Variants in RUFY3 observed in about 807,000 individuals in gnomAD.
The protein encoded by RUFY3 is protein RUFY3.
Under a neutral mutation model 84.0 loss-of-function variants are expected in RUFY3, and 34 were observed. That is an observed-to-expected ratio of 0.40 (90% CI 0.31 to 0.54). RUFY3 has a LOEUF of 0.54. Ranked by LOEUF, RUFY3 falls within the 20% of genes least tolerant of loss-of-function variation. The pLI is 0.39. For missense variants in RUFY3, 507 were observed against 736.8 expected, an observed-to-expected ratio of 0.69 and a Z score of 3.61; for synonymous variants, 242 against 252.9, an observed-to-expected ratio of 0.96 and a Z score of 0.41.
At chr4:70,785,334 CT>C (rs1367437175) in intron 10 of RUFY3, among the ~76,000 whole-genome samples, 2 of 151,590 alleles carry the variant, frequency 1.3e-5, no homozygotes, top group Non-Finnish European at 2.9e-5. Flanking sequence ...CAGTATTAGT[CT>C]TAAGATTTTT....
intron 1 of RUFY3, among the ~76,000 whole-genome samples, chr4:70,743,274 G>C (rs1721611821): frequency 1.3e-5 from 2 of 152,018 alleles, no homozygotes; most frequent in Non-Finnish European, 2.9e-5. Context: ...GTTTCAACAT[G>C]TTGGCCAGGC....
chr4:70,782,519 G>T (rs962343067), intron 8 of RUFY3, among the ~76,000 whole-genome samples: 1 of 151,832 alleles, frequency 6.6e-6, no homozygotes, highest in Non-Finnish European at 1.5e-5. Flanking sequence ...TCCTGACCTC[G>T]TGATCCGCTC....
chr4:70,758,579 T>C (rs1426555823), intron 1 of RUFY3, among the ~76,000 whole-genome samples: 6 of 152,214 alleles, frequency 3.9e-5, no homozygotes, highest in South Asian at 4.1e-4. Flanking sequence ...AAATTTTTGA[T>C]GTGTAATAAT....
upstream of RUFY3, among the ~76,000 whole-genome samples, chr4:70,721,148 C>T (rs1454588721): frequency 4.0e-5 from 6 of 151,858 alleles, no homozygotes; most frequent in South Asian, 8.3e-4. Context: ...CCCGTCTCTA[C>T]TAAAAATACA....
At chr4:70,752,747 T>G (rs975395194) in intron 1 of RUFY3, among the ~76,000 whole-genome samples, 1 of 152,250 alleles carries the variant, frequency 6.6e-6, no homozygotes, top group Non-Finnish European at 1.5e-5. Context: ...GACCTTGCAT[T>G]CTGTGATTAA....
chr4:70,747,216 C>T (rs1162048744), intron 1 of RUFY3, among the ~76,000 whole-genome samples: 2 of 152,178 alleles, frequency 1.3e-5, no homozygotes, highest in Non-Finnish European at 1.5e-5. Flanking sequence ...AGCTTTAGAG[C>T]TTGTGCTGTT....
intron 10 of RUFY3, among the ~76,000 whole-genome samples, chr4:70,785,364 A>G (rs754387670): frequency 1.3e-5 from 2 of 152,164 alleles, no homozygotes; most frequent in Non-Finnish European, 2.9e-5. Context: ...TAAAAAAAAT[A>G]CATATCAATA....
chr4:70,741,777 T>G, intron 1 of RUFY3: 3 of 874,702 alleles, frequency 3.4e-6, no homozygotes, highest in Non-Finnish European at 4.8e-6. Flanking sequence ...AATGTCAGCT[T>G]TAGGTTTTAT....
intron 1 of RUFY3, among the ~76,000 whole-genome samples, chr4:70,707,446 A>G (rs973631256): frequency 5.3e-5 from 8 of 152,174 alleles, no homozygotes; most frequent in African/African-American, 1.9e-4. Flanking sequence ...AGGTTTCACC[A>G]TGTTGGCCAG....
rs1441788132 is a variant in RUFY3 at position 70,800,140 on chromosome 4, G to A, written c.1558-1G>A. 5.0e-6 allele frequency: 8 copies of A among 1,603,656 alleles called. No individual in the cohort carries two copies. In the African/African-American group the frequency reaches 1.1e-4, roughly 22 times the overall value. On this transcript the variant is annotated splice_acceptor_variant, in intron 14 of 17. Transcript: ENST00000381006. LOFTEE classifies it high-confidence loss of function. The stretch of plus-strand genomic sequence containing the variant: ...TAAATTGGGCTGTTTTCTTTTGGCA[G>A]GATGGGAAGCACAAAATGCAAGAGG...
intron 4 of RUFY3, among the ~76,000 whole-genome samples, chr4:70,766,739 C>T (rs1397784026): frequency 6.6e-6 from 1 of 152,116 alleles, no homozygotes; most frequent in Admixed American, 6.5e-5. Context: ...CATTATCTCC[C>T]AAAGTTCATA....
intron 14 of RUFY3, among the ~76,000 whole-genome samples, chr4:70,799,076 C>T (rs1205371690): frequency 2.1e-5 from 3 of 146,078 alleles, no homozygotes; most frequent in Non-Finnish European, 3.0e-5. Flanking sequence ...AACCAGGAGG[C>T]AGAGGCTGCA....
intron 10 of RUFY3, 47 bp from the exon 11 acceptor site, chr4:70,788,759 T>G: frequency 6.2e-7 from 1 of 1,600,058 alleles, no homozygotes; most frequent in Non-Finnish European, 8.5e-7. Context: ...GGTTTGTACT[T>G]AGTTGAAGGA....
At chr4:70,716,292 C>T (rs1452466607) in intron 1 of RUFY3, among the ~76,000 whole-genome samples, 2 of 151,792 alleles carry the variant, frequency 1.3e-5, no homozygotes, top group Non-Finnish European at 2.9e-5. Flanking sequence ...ATTACAGGCA[C>T]GTACCACATT....
Position 70,737,964 on chromosome 4 carries a change from T to A in RUFY3, c.178+15213T>A, listed in dbSNP as rs111402998. Among the ~76,000 whole-genome samples the A allele has an allele frequency of 9.7e-3, 1,381 of 142,108 alleles. 27 individuals carry two copies. The highest frequency in any genetic ancestry group is 0.036 in the African/African-American group (1,336 of 37,506). 93.2% of individuals were successfully genotyped at this position (142,108 alleles called of 152,430 possible). On this transcript the variant is annotated intron_variant, in intron 1 of 17. Transcript: ENST00000381006. ...CTGGGATTACAGACAGGAGCCACCA[T>A]GCCCAGCCTATTAATTCCTTTTTTT... is the stretch of plus-strand genomic sequence containing the variant.
rs773654893 is a variant in RUFY3, at chr4:70,755,061, G to T, written c.179-7458G>T. On this transcript the variant is annotated intron_variant, in intron 1 of 17. Coordinates refer to ENST00000381006, the MANE Select transcript of RUFY3 (RefSeq NM_001037442.4). Reference sequence around the variant, plus strand: ...TGGGATTACAGGCGCCTGCCACCATGCCCAGCTAATTTTTGTATTTTTAGT... The same window carrying T: ...TGGGATTACAGGCGCCTGCCACCATTCCCAGCTAATTTTTGTATTTTTAGT... 1.1e-4 allele frequency among the ~76,000 whole-genome samples: 17 copies of T among 151,954 alleles called. 1 individual carries two copies. Among genetic ancestry groups the T allele is most frequent in the Non-Finnish European group, 4.4e-5 (3 of 67,984 alleles).
Position 70,764,455 on chromosome 4 carries a change from T to C in RUFY3, c.471-20T>C. ...TCTGGTGCTTATGTTTTCAGTTGTT[T>C]GATTTCTGTGTTTTTGTAGGACACC... is the stretch of plus-strand genomic sequence containing the variant. On this transcript the variant is annotated intron_variant, in intron 3 of 17. Transcript: ENST00000381006. The C allele has an allele frequency of 6.5e-7, 1 of 1,545,814 alleles. No individual in the cohort carries two copies. The highest frequency in any genetic ancestry group is 8.9e-7 in the Non-Finnish European group (1 of 1,121,524).
chr4:70,723,988 T>A (rs1191437615), intron 1 of RUFY3, among the ~76,000 whole-genome samples: 1 of 152,196 alleles, frequency 6.6e-6, no homozygotes, highest in Non-Finnish European at 1.5e-5. Context: ...TTAAGAACAA[T>A]GTTTAAGTGG....
At chr4:70,717,752 T>A (rs1420973795), upstream of RUFY3, among the ~76,000 whole-genome samples, 1 of 152,042 alleles carries the variant, frequency 6.6e-6, no homozygotes, top group Non-Finnish European at 1.5e-5. Context: ...GAGTAACAGA[T>A]CTGCTACTCG....
Sources: gnomAD v4.1 joint callset for allele counts (sites outside exome capture counted in the v4.1 genomes callset) on GRCh38, gnomAD v4.1.1 for gene constraint, MANE v1.5 for transcripts, NCBI Gene and HGNC (gene_info 2026-07-23, HGNC 2026-07-21) for gene names.